The following AGBL1 variants were observed in gnomAD, a reference collection of about 807,000 sequenced individuals.
AGBL1 encodes the protein cytosolic carboxypeptidase 4.
In AGBL1, 130 loss-of-function variants were observed where a neutral mutation model predicts 118.9. The observed-to-expected ratio is 1.09, with a 90% CI of 0.95 to 1.26. AGBL1 has a LOEUF of 1.26. Among genes scored for constraint, AGBL1 ranks in the 50% most tolerant of loss-of-function variants. The pLI is 0.00. For missense variants in AGBL1, 1,584 were observed against 1,298.1 expected (o/e 1.22, Z -3.38); for synonymous variants, 555 against 478.9 (o/e 1.16, Z -2.08).
chr15:86,997,890 GACACACACAC>G (rs3030280), intron 24 of AGBL1, among the ~76,000 whole-genome samples: 5,575 of 145,686 alleles, frequency 0.038, 121 homozygotes, highest in South Asian at 0.05. Context: ...ACATGTGGAA[GACACACACAC>G]ACACACACAC....
At chr15:87,007,751 C>T (rs2081519522) in intron 24 of AGBL1, among the ~76,000 whole-genome samples, 1 of 152,198 alleles carries the variant, frequency 6.6e-6, no homozygotes, top group Admixed American at 6.5e-5. Flanking sequence ...AATGGGAATG[C>T]TGACTCTACA....
At chr15:86,465,857 C>A (rs2082398466) in intron 18 of AGBL1, among the ~76,000 whole-genome samples, 1 of 152,160 alleles carries the variant, frequency 6.6e-6, no homozygotes, top group African/African-American at 2.4e-5. Flanking sequence ...TGTGATCTCA[C>A]TCTGCCTCTC....
At position 86,522,780 on chromosome 15, in the gene AGBL1, T is replaced by C. The variant is rs765411736; in HGVS notation, c.2556-30T>C. 9.9e-6 allele frequency: 16 copies of C among 1,610,120 alleles called. No individual in the cohort carries two copies. The Admixed American group carries it at 1.8e-4, about 19-fold the overall frequency. ...CTCAAGTTATTTTCTTCTGAATGTGTATTTATTTGCTTATTATTTGTTCCT... is the reference window on the plus strand; with the variant it reads ...CTCAAGTTATTTTCTTCTGAATGTGCATTTATTTGCTTATTATTTGTTCCT... On this transcript the variant is annotated intron_variant, in intron 18 of 22. Coordinates refer to ENST00000614907, the MANE Select transcript of AGBL1 (RefSeq NM_001386094.1).
At chr15:86,826,476 C>A (rs1291413384) in intron 22 of AGBL1, among the ~76,000 whole-genome samples, 3 of 152,082 alleles carry the variant, frequency 2.0e-5, no homozygotes, top group East Asian at 3.9e-4. Context: ...AGAAAACACT[C>A]CTTTCACTAA....
intron 1 of AGBL1, among the ~76,000 whole-genome samples, chr15:86,101,450 A>C (rs1448772551): frequency 7.2e-5 from 11 of 152,054 alleles, no homozygotes; most frequent in Admixed American, 7.2e-4. Context: ...TGATCTGCCT[A>C]ATGGTGAGAG....
chr15:86,768,001 G>C (rs1167775160), intron 22 of AGBL1, among the ~76,000 whole-genome samples: 7 of 151,936 alleles, frequency 4.6e-5, no homozygotes, highest in African/African-American at 1.7e-4. Context: ...GATGAAAAAA[G>C]GGCCTTCTTA....
intron 24 of AGBL1, among the ~76,000 whole-genome samples, chr15:87,009,394 C>CTAGATTTCAAAT (rs1375127776): frequency 2.6e-5 from 4 of 152,344 alleles, no homozygotes; most frequent in Middle Eastern, 6.8e-3. Context: ...GATCCTCTGC[C>CTAGATTTCAAAT]TAGATTTCAA....
chr15:86,944,395 T>A (rs921311273), intron 23 of AGBL1, among the ~76,000 whole-genome samples: 1 of 151,768 alleles, frequency 6.6e-6, no homozygotes, highest in Admixed American at 6.6e-5. Flanking sequence ...ATAATAATAA[T>A]AATGAGGGCA....
chr15:86,113,481 T>C (rs1048232930), intron 1 of AGBL1, among the ~76,000 whole-genome samples: 1 of 151,920 alleles, frequency 6.6e-6, no homozygotes, highest in Non-Finnish European at 1.5e-5. Flanking sequence ...AGATGGGGTT[T>C]CACCATGTTG....
chr15:86,882,015 A>G (rs904634858), intron 22 of AGBL1, among the ~76,000 whole-genome samples: 16 of 152,194 alleles, frequency 1.1e-4, no homozygotes, highest in African/African-American at 3.9e-4. Context: ...TGGTGGGGAC[A>G]CAAATGCAAA....
intron 22 of AGBL1, among the ~76,000 whole-genome samples, chr15:86,794,311 C>T (rs1258121267): frequency 6.6e-6 from 1 of 151,948 alleles, no homozygotes; most frequent in Non-Finnish European, 1.5e-5. Context: ...CATGGGTGAA[C>T]CTCAAAACCA....
intron 22 of AGBL1, among the ~76,000 whole-genome samples, chr15:86,892,619 A>G (rs1394373128): frequency 6.6e-6 from 1 of 152,180 alleles, no homozygotes; most frequent in Non-Finnish European, 1.5e-5. Context: ...TTATTTGCTT[A>G]TATTTTAAGA....
chr15:86,141,680 T>A (rs912082914), intron 1 of AGBL1, among the ~76,000 whole-genome samples: 2 of 152,214 alleles, frequency 1.3e-5, no homozygotes, highest in Non-Finnish European at 2.9e-5. Context: ...CCAAGCCTAC[T>A]GAAATAACAG....
At chr15:86,958,092 C>A (rs1049085761) in intron 23 of AGBL1, among the ~76,000 whole-genome samples, 3 of 151,518 alleles carry the variant, frequency 2.0e-5, no homozygotes, top group Non-Finnish European at 4.4e-5. Context: ...GTAGTCCCAG[C>A]TACTTGGGAA....
At chr15:86,363,254 G>A (rs1452664134) in intron 17 of AGBL1, among the ~76,000 whole-genome samples, 1 of 152,102 alleles carries the variant, frequency 6.6e-6, no homozygotes, top group Non-Finnish European at 1.5e-5. Flanking sequence ...GTGGGCAGAT[G>A]CAAACTGGGC....
At chr15:86,882,193 T>G (rs946297573) in intron 22 of AGBL1, among the ~76,000 whole-genome samples, 32 of 152,172 alleles carry the variant, frequency 2.1e-4, no homozygotes, top group African/African-American at 7.5e-4. Flanking sequence ...TGACAATGGT[T>G]TTTTGAGAAG....
chr15:86,844,140 C>G (rs1473852223), intron 22 of AGBL1, among the ~76,000 whole-genome samples: 1 of 152,082 alleles, frequency 6.6e-6, no homozygotes, highest in Non-Finnish European at 1.5e-5. Context: ...CCAGTTTATA[C>G]AAATTGGGAT....
chr15:86,720,188 C>T (rs991068591), intron 22 of AGBL1, among the ~76,000 whole-genome samples: 3 of 152,220 alleles, frequency 2.0e-5, no homozygotes, highest in Non-Finnish European at 2.9e-5. Context: ...GCTTGGATAA[C>T]TCAGACTTAA....
chr15:86,419,335 G>T (rs1190471987), intron 18 of AGBL1, among the ~76,000 whole-genome samples: 20 of 152,144 alleles, frequency 1.3e-4, no homozygotes, highest in Admixed American at 1.3e-3. Context: ...GCAGGGTGTT[G>T]CCTCACCTGG....
Sources: allele counts gnomAD v4.1 joint callset (sites outside exome capture counted in the v4.1 genomes callset), GRCh38; gene constraint gnomAD v4.1.1; transcripts MANE v1.5; gene names NCBI Gene and HGNC (gene_info 2026-07-23, HGNC 2026-07-21).